The following CAMK4 variants were observed in gnomAD, a reference collection of about 807,000 sequenced individuals.
CAMK4 encodes the protein calcium/calmodulin dependent protein kinase IV.
In CAMK4, 22 loss-of-function variants were observed where a neutral mutation model predicts 44.9. The observed-to-expected ratio is 0.49, with a 90% confidence interval of 0.35 to 0.70. The LOEUF is 0.70. CAMK4 is among the 30% of genes least tolerant of loss of function. CAMK4 has a pLI of 0.01. For synonymous variants in CAMK4, 218 were observed against 215.4 expected (o/e 1.01, Z -0.11); for missense variants, 498 against 586.8 (o/e 0.85, Z 1.56).
chr5:111,392,411 C>G (rs1049051500), intron 4 of CAMK4, among the ~76,000 whole-genome samples: 1 of 152,112 alleles, frequency 6.6e-6, no homozygotes, highest in African/African-American at 2.4e-5. Context: ...GATCCAATCA[C>G]CTCCCACTGG....
rs1484691275 is a variant in CAMK4 at position 111,449,139 on chromosome 5, A to G, written c.561A>G (p.Gly187=). 4.5e-6 allele frequency: 7 copies of G among 1,539,342 alleles called. No homozygotes were observed. Among genetic ancestry groups the G allele is most frequent in the Non-Finnish European group, 6.3e-6 (7 of 1,116,320 alleles). The change falls in exon 7 of 11, where the codon GGA becomes GGG. Residue 187 remains glycine (G), a synonymous_variant. Coordinates refer to ENST00000282356, the MANE Select transcript of CAMK4 (RefSeq NM_001744.6). ...PDAPLKIADF[G]LSKIVEHQVL... is the part of the protein sequence containing the mutation. The stretch of plus-strand genomic sequence containing the variant: ...TTCTTGTGTTATTAGCTGATTTTGG[A>G]CTCTCTAAAATTGTGGAACATCAAG...
chr5:111,379,718 G>A (rs1179343529), intron 4 of CAMK4, among the ~76,000 whole-genome samples: 1 of 152,048 alleles, frequency 6.6e-6, no homozygotes, highest in African/African-American at 2.4e-5. Context: ...CTGGTCTAAT[G>A]ATGACTCTAA....
At chr5:111,260,794 C>G (rs11742977) in intron 1 of CAMK4, among the ~76,000 whole-genome samples, 63,068 of 152,052 alleles carry the variant, frequency 0.41, 13,827 homozygotes, top group East Asian at 0.7. Context: ...CTGCTGCTAT[C>G]TTCATTGAAA....
chr5:111,237,355 C>T (rs959508926), intron 1 of CAMK4, among the ~76,000 whole-genome samples: 3 of 152,178 alleles, frequency 2.0e-5, no homozygotes, highest in South Asian at 4.1e-4. Flanking sequence ...TGTGCACCTG[C>T]GTTTTCTTCC....
intron 5 of CAMK4, among the ~76,000 whole-genome samples, chr5:111,406,607 C>T (rs1404717253): frequency 6.6e-6 from 1 of 152,052 alleles, no homozygotes; most frequent in Non-Finnish European, 1.5e-5. Flanking sequence ...AAATAACAAA[C>T]TTTTTAAAGA....
Position 111,492,282 on chromosome 5 carries a change from A to G in CAMK4, c.*7816A>G, listed in dbSNP as rs1755873586. 1 of 152,228 alleles carries G rather than the reference A, an allele frequency of 6.6e-6. No homozygotes were observed. The highest frequency in any genetic ancestry group is 1.9e-4 in the East Asian group (1 of 5,208). The allele number at this position is 152,228 out of a possible 1,614,324, so 9.4% of individuals were successfully genotyped here. On this transcript the variant is annotated 3_prime_UTR_variant, in exon 11 of 11. Transcript: ENST00000282356. Reference sequence around the variant, plus strand: ...CAATATCAATTTATTAGGAGTACCTAAAATTATAACTCTAAATAATATACA... The same window carrying G: ...CAATATCAATTTATTAGGAGTACCTGAAATTATAACTCTAAATAATATACA...
At chr5:111,337,182 A>T (rs752934259) in intron 1 of CAMK4, among the ~76,000 whole-genome samples, 4 of 151,188 alleles carry the variant, frequency 2.6e-5, no homozygotes, top group Non-Finnish European at 5.9e-5. Flanking sequence ...GTGTACCCTC[A>T]TTAATTCCTT....
At chr5:111,302,229 C>T (rs1036895282) in intron 1 of CAMK4, 2 of 153,362 alleles carry the variant, frequency 1.3e-5, no homozygotes, top group African/African-American at 4.8e-5. Flanking sequence ...TGTATCAAAA[C>T]TGGGGTCTTG....
chr5:111,443,091 C>T (rs1428882719), intron 5 of CAMK4, among the ~76,000 whole-genome samples: 2 of 149,130 alleles, frequency 1.3e-5, no homozygotes, highest in Non-Finnish European at 3.0e-5. Context: ...AAAAATCATA[C>T]TTCACATTTT....
In CAMK4 at chr5:111,438,728, A is replaced by G. The variant is rs183196007; in HGVS notation, c.460-7958A>G. Among the ~76,000 whole-genome samples, 1,299 of 152,270 alleles carry G rather than the reference A, an allele frequency of 8.5e-3. 6 individuals carry two copies. Among genetic ancestry groups the G allele is most frequent in the Non-Finnish European group, 0.015 (1,008 of 68,020 alleles). ...AGGAAGTGGAGTCAGAAAAATAATC[A>G]TTTATTTATTCATACACTTAACAAA... On this transcript the variant is annotated intron_variant, in intron 5 of 10. Transcript: ENST00000282356.
At chr5:111,265,310 C>T (rs1260900615) in intron 1 of CAMK4, among the ~76,000 whole-genome samples, 6 of 152,294 alleles carry the variant, frequency 3.9e-5, no homozygotes, top group Admixed American at 2.0e-4. Flanking sequence ...GGGAACCAAA[C>T]GTGAATGTGG....
At chr5:111,358,590 CA>C (rs1750470972) in intron 2 of CAMK4, among the ~76,000 whole-genome samples, 3 of 150,146 alleles carry the variant, frequency 2.0e-5, no homozygotes, top group African/African-American at 7.4e-5. Flanking sequence ...ATTTTAGGTT[CA>C]GGGGATACAT....
intron 8 of CAMK4, among the ~76,000 whole-genome samples, chr5:111,476,245 GTGTGTGTGTGTGTGTGTGTGTGTGTT>G (rs1755232786): frequency 8.3e-6 from 1 of 120,436 alleles, no homozygotes; most frequent in Non-Finnish European, 1.7e-5. Flanking sequence ...TTCTTTGTGT[GTGTGTGTGTGTGTGTGTGTGTGTGTT>G]TGTGTGTGTG....
In CAMK4 at chr5:111,369,254, A is replaced by G. The variant is rs187841326; in HGVS notation, c.241-5596A>G. 1.7e-3 allele frequency among the ~76,000 whole-genome samples: 257 copies of G among 151,984 alleles called. 6 individuals are homozygous for G. Among genetic ancestry groups the G allele is most frequent in the Admixed American group, 0.015 (231 of 15,262 alleles). ...CTAATTTTGTATTTTTAATAAAGAC[A>G]GGGTTTCACCATGTTGGCCAGGCTG... On this transcript the variant is annotated intron_variant, in intron 2 of 10. Coordinates refer to ENST00000282356, the MANE Select transcript of CAMK4 (RefSeq NM_001744.6).
intron 2 of CAMK4, among the ~76,000 whole-genome samples, chr5:111,372,800 T>TA (rs2112818683): frequency 6.6e-6 from 1 of 152,312 alleles, no homozygotes; most frequent in African/African-American, 2.4e-5. Context: ...GCACTGGATG[T>TA]ATCAAGATGT....
intron 1 of CAMK4, among the ~76,000 whole-genome samples, chr5:111,275,827 T>C (rs1750736942): frequency 6.6e-6 from 1 of 152,042 alleles, no homozygotes; most frequent in African/African-American, 2.4e-5. Context: ...GTGATAGATA[T>C]CCCAATTACC....
chr5:111,420,511 A>G (rs1190454135), intron 5 of CAMK4, among the ~76,000 whole-genome samples: 1 of 152,084 alleles, frequency 6.6e-6, no homozygotes, highest in Non-Finnish European at 1.5e-5. Context: ...CATCCCTGGG[A>G]GACAGGGTTT....
intron 9 of CAMK4, among the ~76,000 whole-genome samples, chr5:111,479,760 G>T (rs1278518063): frequency 6.6e-6 from 1 of 152,084 alleles, no homozygotes; most frequent in East Asian, 1.9e-4. Context: ...TTTCCAGCAT[G>T]AGTGGGAAGA....
intron 1 of CAMK4, 73 bp from the exon 2 acceptor site, chr5:111,343,951 C>T: frequency 1.2e-6 from 1 of 862,510 alleles, no homozygotes; most frequent in Non-Finnish European, 1.9e-6. Flanking sequence ...GCAAGATACA[C>T]TTATTTTCAA....
Sources: gnomAD v4.1 joint callset for allele counts (sites outside exome capture counted in the v4.1 genomes callset) on GRCh38, gnomAD v4.1.1 for gene constraint, MANE v1.5 for transcripts, NCBI Gene and HGNC (gene_info 2026-07-23, HGNC 2026-07-21) for gene names.